The following CHIT1 variants were observed in gnomAD, a reference collection of about 807,000 sequenced individuals.
CHIT1 encodes chitinase 1.
CHIT1 carries 47 observed loss-of-function variants against 52.0 expected under a neutral mutation model. That is an observed-to-expected ratio of 0.90 (90% CI 0.71 to 1.15). The LOEUF is 1.15. Among genes scored for constraint, CHIT1 ranks in the 50% most tolerant of loss-of-function variants. The pLI is 0.00. For missense variants in CHIT1, 569 were observed against 583.0 expected (o/e 0.98, Z 0.25); for synonymous variants, 242 against 228.2 (o/e 1.06, Z -0.54).
intron 10 of CHIT1, chr1:203,217,515 C>T (rs1359061368): frequency 9.0e-7 from 1 of 1,114,254 alleles, no homozygotes; most frequent in African/African-American, 1.5e-5. Flanking sequence ...GTTACAACAA[C>T]CCTGGGCAGG....
intron 4 of CHIT1, among the ~76,000 whole-genome samples, chr1:203,223,947 C>T (rs1254666619): frequency 6.6e-6 from 1 of 152,184 alleles, no homozygotes; most frequent in Non-Finnish European, 1.5e-5. Flanking sequence ...GAGGCTTCCT[C>T]CAAGCCCTTG....
At chr1:203,223,369 T>G (rs1398758451) in intron 5 of CHIT1, 110 bp from the exon 6 acceptor site, 1 of 1,602,186 alleles carries the variant, frequency 6.2e-7, no homozygotes, top group African/African-American at 1.3e-5. Flanking sequence ...GCCACAGGGC[T>G]GATCTGTGCC....
Position 203,225,034 on chromosome 1 carries a change from C to T in CHIT1, c.314+14G>A, listed in dbSNP as rs773126401. The T allele has an allele frequency of 5.4e-5, 87 of 1,611,750 alleles. No individual in the cohort carries two copies. The highest frequency in any genetic ancestry group is 6.8e-5 in the Non-Finnish European group (80 of 1,178,138). ...CCAGGAGCTTTACCACACAGGTGAC[C>T]ACAGTCAACTAACTTCTGAGTGCCG... On this transcript the variant is annotated intron_variant, in intron 4 of 10. Transcript: ENST00000367229.
At position 203,225,696 on chromosome 1, in the gene CHIT1, T is replaced by A; in HGVS notation, c.230A>T (p.Tyr77Phe). ...STTEWNDETL[Y>F]QEFNGLKKMN... is the part of the protein sequence containing the mutation. Reference sequence around the variant, plus strand: ...CTTCTTCAGGCCATTGAACTCCTGGTAGAGAGTCTCGTCATTCCACTCAGT... The same window carrying A: ...CTTCTTCAGGCCATTGAACTCCTGGAAGAGAGTCTCGTCATTCCACTCAGT... The change falls in exon 3 of 11, where the codon TAC (tyrosine) becomes TTC (phenylalanine). Residue 77 changes from tyrosine to phenylalanine, a missense_variant. Coordinates refer to ENST00000367229, the MANE Select transcript of CHIT1 (RefSeq NM_003465.3). 7 of 1,613,572 alleles carry A rather than the reference T, an allele frequency of 4.3e-6. No homozygotes were observed. The highest frequency in any genetic ancestry group is 5.9e-6 in the Non-Finnish European group (7 of 1,179,724).
rs903716178 is a variant in CHIT1, at chr1:203,219,503, T to C, written c.915+161A>G. ...TGGACTCAGCTTGAGGCACCTGGGC[T>C]TAAGGATAAATTCAAGATGGCATGG... On this transcript the variant is annotated intron_variant, in intron 8 of 10. Coordinates refer to ENST00000367229, the MANE Select transcript of CHIT1 (RefSeq NM_003465.3). 3.0e-6 allele frequency: 3 copies of C among 1,003,044 alleles called. No homozygotes were observed. In the African/African-American group the frequency reaches 4.8e-5, roughly 16 times the overall value. The allele number at this position is 1,003,044 out of a possible 1,614,324, so 62.1% of individuals were successfully genotyped here.
chr1:203,218,962 G>A (rs1406198254), intron 9 of CHIT1, among the ~76,000 whole-genome samples: 1 of 152,214 alleles, frequency 6.6e-6, no homozygotes, highest in African/African-American at 2.4e-5. Flanking sequence ...TCATATGTCT[G>A]TAGAATTTGT....
At chr1:203,225,219 T>A (rs1656881705) in intron 3 of CHIT1, 115 bp from the exon 4 acceptor site, 2 of 918,874 alleles carry the variant, frequency 2.2e-6, no homozygotes, top group Non-Finnish European at 3.5e-6. Flanking sequence ...AGTGCCTATG[T>A]GCAGAGACTG....
chr1:203,216,938 G>C lies in CHIT1; in HGVS notation c.1352C>G (p.Pro451Arg), dbSNP rs200995061. ...AAGRLFQQSC[P>R]TGLVFSNSCK... ...GGAGTTGCTGAACACCAGGCCTGTC[G>C]GGCAGCTTTGCTGGAACAGCCGCCC... is the stretch of plus-strand genomic sequence containing the variant. Residue 451 changes from proline (P) to arginine (R), a missense_variant, in exon 11 of 11, where the codon CCG (proline) becomes CGG (arginine). Coordinates refer to ENST00000367229, the MANE Select transcript of CHIT1 (RefSeq NM_003465.3). The C allele has an allele frequency of 2.8e-5, 45 of 1,614,166 alleles. 1 individual carries two copies. The highest frequency in any genetic ancestry group is 2.5e-4 in the East Asian group (11 of 44,880).
At chr1:203,225,896 G>C in intron 2 of CHIT1, 26 bp from the exon 3 acceptor site, 1 of 1,613,060 alleles carries the variant, frequency 6.2e-7, no homozygotes, top group East Asian at 2.2e-5. Context: ...AAAGAAAAGG[G>C]ATAGCTGTCA....
rs1232001737 is a variant in CHIT1 at position 203,219,246 on chromosome 1, G to T, written c.999C>A (p.Gly333=). Residue 333 remains glycine, a synonymous_variant, in exon 9 of 11, where the codon GGC becomes GGA. Coordinates refer to ENST00000367229, the MANE Select transcript of CHIT1 (RefSeq NM_003465.3). ...TTTTGAAGCTCTCCACATCATCAAAGCCCACCCACTGGTTGTCCCGGAAGA... is the reference window on the plus strand; with the variant it reads ...TTTTGAAGCTCTCCACATCATCAAATCCCACCCACTGGTTGTCCCGGAAGA... ...PYIFRDNQWV[G]FDDVESFKTK... The T allele has an allele frequency of 1.9e-6, 3 of 1,609,742 alleles. No homozygotes were observed. The highest frequency in any genetic ancestry group is 2.6e-6 in the Non-Finnish European group (3 of 1,176,102).
intron 4 of CHIT1, 88 bp downstream of exon 4, chr1:203,224,960 C>T (rs1656869987): frequency 8.2e-7 from 1 of 1,226,650 alleles, no homozygotes; most frequent in African/African-American, 1.5e-5. Context: ...CTCAGCCTGG[C>T]CTGATTCCCT....
intron 10 of CHIT1, chr1:203,217,517 C>G (rs1656576615): frequency 4.5e-6 from 5 of 1,111,434 alleles, no homozygotes; most frequent in East Asian, 2.7e-5. Flanking sequence ...TACAACAACC[C>G]TGGGCAGGCA....
At chr1:203,227,219 G>A (rs1015137567) in intron 2 of CHIT1, among the ~76,000 whole-genome samples, 7 of 152,308 alleles carry the variant, frequency 4.6e-5, no homozygotes, top group South Asian at 4.1e-4. Context: ...TGGCCCCGGA[G>A]TGGTCACTGT....
intron 8 of CHIT1, 167 bp downstream of exon 8, chr1:203,219,497 C>T: frequency 1.0e-6 from 1 of 968,136 alleles, no homozygotes; most frequent in Non-Finnish European, 1.6e-6. Flanking sequence ...CTTGAGGCAC[C>T]TGGGCTTAAG....
intron 10 of CHIT1, 38 bp downstream of exon 10, chr1:203,217,701 C>T: frequency 6.2e-7 from 1 of 1,613,946 alleles, no homozygotes; most frequent in Non-Finnish European, 8.5e-7. Flanking sequence ...TGTACCCCAC[C>T]TCCAAATTCC....
chr1:203,225,575 A>G, intron 3 of CHIT1, 94 bp downstream of exon 3: 2 of 1,281,276 alleles, frequency 1.6e-6, no homozygotes, highest in Non-Finnish European at 2.3e-6. Context: ...GGTCTGTGGC[A>G]GGACCTTAGT....
intron 6 of CHIT1, 70 bp downstream of exon 6, chr1:203,223,065 A>G (rs1656794671): frequency 6.2e-7 from 1 of 1,601,936 alleles, no homozygotes. Flanking sequence ...TACCCATGGG[A>G]AAGCTCAGTC....
rs1441690560 is a variant in CHIT1, at chr1:203,216,486, C to T, written c.*403G>A. Reference sequence around the variant, plus strand: ...AAAGAACGTGTTGCACTTGGGGCCGCGCTCTGGCTGCCATCACCTGTGTAC... The same window carrying T: ...AAAGAACGTGTTGCACTTGGGGCCGTGCTCTGGCTGCCATCACCTGTGTAC... On this transcript the variant is annotated 3_prime_UTR_variant, in exon 11 of 11. Coordinates refer to ENST00000367229, the MANE Select transcript of CHIT1 (RefSeq NM_003465.3). 4.1e-5 allele frequency: 19 copies of T among 458,230 alleles called. No individual in the cohort carries two copies. Among genetic ancestry groups the T allele is most frequent in the Admixed American group, 1.9e-4 (8 of 42,636 alleles). The allele number at this position is 458,230 out of a possible 1,614,324, so 28.4% of individuals were successfully genotyped here.
chr1:203,228,143 C>T (rs1007243914), intron 2 of CHIT1, among the ~76,000 whole-genome samples: 2 of 152,218 alleles, frequency 1.3e-5, no homozygotes, highest in Non-Finnish European at 2.9e-5. Context: ...ACTTAGGTTC[C>T]TTACCTGCAG....
Sources: gnomAD v4.1 joint callset for allele counts (sites outside exome capture counted in the v4.1 genomes callset) on GRCh38, gnomAD v4.1.1 for gene constraint, MANE v1.5 for transcripts, NCBI Gene and HGNC (gene_info 2026-07-23, HGNC 2026-07-21) for gene names.